Variants in FRMPD1 observed in about 807,000 individuals in gnomAD.
The protein encoded by FRMPD1 is FERM and PDZ domain containing 1.
A neutral mutation model predicts 117.8 loss-of-function variants in FRMPD1; 76 were observed. The ratio of observed to expected loss-of-function variants is 0.65; its 90% confidence interval spans 0.54 to 0.78. The LOEUF (loss-of-function observed/expected upper bound fraction) is 0.78. Ranked by LOEUF, FRMPD1 falls within the 30% of genes least tolerant of loss-of-function variation. The probability of loss-of-function intolerance (pLI) is 0.00; values close to 1 mark genes in which losing one functional copy is unlikely to be tolerated. For missense variants in FRMPD1, 1,786 were observed against 1,964.5 expected, an observed-to-expected ratio of 0.91 and a Z score of 1.72; for synonymous variants, 783 against 770.4, an observed-to-expected ratio of 1.02 and a Z score of -0.27.
chr9:37,682,564 A>G (rs185602433), intron 1 of FRMPD1, among the ~76,000 whole-genome samples: 18 of 152,360 alleles, frequency 1.2e-4, no homozygotes, highest in East Asian at 5.8e-4. Context: ...CAGGAAGGAA[A>G]CCAGGTCTCC....
At position 37,745,939 on chromosome 9, in the gene FRMPD1, C is replaced by T. The variant is rs2118546033; in HGVS notation, c.3907C>T (p.His1303Tyr). The T allele has an allele frequency of 6.2e-7, 1 of 1,614,234 alleles. No individual in the cohort carries two copies. Among genetic ancestry groups the T allele is most frequent in the East Asian group, 2.2e-5 (1 of 44,888 alleles). ...KSFLCFAPES[H>Y]PEVSASLRVA... ...TTTTCTGTGCTTTGCCCCAGAAAGC[C>T]ATCCTGAAGTCTCTGCCAGTCTCAG... The change falls in exon 16 of 16, where the codon CAT (histidine) becomes TAT (tyrosine). Residue 1303 changes from histidine (H) to tyrosine (Y), a missense_variant. Physicochemically the swap from His to Tyr is moderately conservative, Grantham distance 83. Coordinates refer to ENST00000377765, the MANE Select transcript of FRMPD1 (RefSeq NM_014907.3).
At chr9:37,703,747 T>C (rs1482907241) in intron 2 of FRMPD1, among the ~76,000 whole-genome samples, 1 of 152,214 alleles carries the variant, frequency 6.6e-6, no homozygotes, top group Non-Finnish European at 1.5e-5. Flanking sequence ...TCTGTCTCTA[T>C]AGATTAGTCT....
chr9:37,616,692 A>C, the FRMPD1 span, among the ~76,000 whole-genome samples: 3 of 152,218 alleles, frequency 2.0e-5, no homozygotes, highest in African/African-American at 7.2e-5. Context: ...TGAAACCATG[A>C]TTGAAAAATC....
At chr9:37,659,373 A>G (rs1820930258) in intron 1 of FRMPD1, among the ~76,000 whole-genome samples, 1 of 151,336 alleles carries the variant, frequency 6.6e-6, no homozygotes, top group Admixed American at 6.6e-5. Context: ...TGTTCCTATC[A>G]CTCCTGTTGT....
At chr9:37,650,876 C>T (rs1820648013), upstream of FRMPD1, 1 of 148,140 alleles carries the variant, frequency 6.8e-6, no homozygotes, top group South Asian at 2.1e-4. Context: ...GCAGCTGCAG[C>T]CTCAGCACCT....
rs1020249984 is a variant in FRMPD1, at chr9:37,746,150, G to A, written c.4118G>A (p.Gly1373Glu). The change falls in exon 16 of 16, where the codon GGA (glycine) becomes GAA (glutamate). Residue 1373 changes from glycine (G) to glutamate (E), a missense_variant. By Grantham distance (98) the Gly-to-Glu change is moderately conservative. Transcript: ENST00000377765. ...CCCCTCACCTCACCGCCCTCTGCGG[G>A]AAGCCCGGTGGTTCTGCCCTGGAGG... ...MAPLTSPPSA[G>E]SPVVLPWRPA... The A allele has an allele frequency of 6.2e-7, 1 of 1,613,786 alleles. No individual in the cohort carries two copies. The highest frequency in any genetic ancestry group is 1.3e-5 in the African/African-American group (1 of 74,936).
chr9:37,642,212 G>A, the FRMPD1 span, among the ~76,000 whole-genome samples: 1 of 152,166 alleles, frequency 6.6e-6, no homozygotes, highest in Non-Finnish European at 1.5e-5. Context: ...TCTTGAGCAG[G>A]TTACTTAACC....
chr9:37,678,470 A>G (rs1407049300), intron 1 of FRMPD1, among the ~76,000 whole-genome samples: 1 of 152,050 alleles, frequency 6.6e-6, no homozygotes, highest in Non-Finnish European at 1.5e-5. Flanking sequence ...CCTGTTGGCC[A>G]AGCTGGTCTC....
At chr9:37,709,710 C>A (rs2118167385) in intron 4 of FRMPD1, among the ~76,000 whole-genome samples, 1 of 152,140 alleles carries the variant, frequency 6.6e-6, no homozygotes, top group Admixed American at 6.5e-5. Flanking sequence ...AAATTTGGTC[C>A]AAAAGATGGA....
chr9:37,636,000 G>C, the FRMPD1 span, among the ~76,000 whole-genome samples: 4 of 152,182 alleles, frequency 2.6e-5, no homozygotes, highest in Admixed American at 6.5e-5. Flanking sequence ...GCAGCGCGTG[G>C]GTCTGTCTCT....
the FRMPD1 span, among the ~76,000 whole-genome samples, chr9:37,615,915 C>A: frequency 6.7e-6 from 1 of 150,024 alleles, no homozygotes; most frequent in Non-Finnish European, 1.5e-5. Context: ...TGGATTCAAG[C>A]AATTCTTATG....
At chr9:37,685,791 C>A (rs2117974285) in intron 1 of FRMPD1, among the ~76,000 whole-genome samples, 1 of 152,328 alleles carries the variant, frequency 6.6e-6, no homozygotes, top group South Asian at 2.1e-4. Context: ...GAAGTGCTCT[C>A]TAGTTTTATC....
chr9:37,650,480 C>T (rs1820633140), upstream of FRMPD1, among the ~76,000 whole-genome samples: 2 of 152,048 alleles, frequency 1.3e-5, no homozygotes, highest in Non-Finnish European at 2.9e-5. Flanking sequence ...CCACGCTCTC[C>T]CTCTCCCTTC....
At chr9:37,739,368 G>A (rs1824277141) in intron 14 of FRMPD1, among the ~76,000 whole-genome samples, 1 of 152,170 alleles carries the variant, frequency 6.6e-6, no homozygotes, top group African/African-American at 2.4e-5. Flanking sequence ...TTTAAGCAGG[G>A]TGTGATGAGG....
the FRMPD1 span, among the ~76,000 whole-genome samples, chr9:37,621,379 C>T: frequency 3.9e-5 from 6 of 152,112 alleles, no homozygotes; most frequent in African/African-American, 1.4e-4. Flanking sequence ...ACTCTTGCAC[C>T]GTCATCCTCA....
the FRMPD1 span, among the ~76,000 whole-genome samples, chr9:37,612,769 G>A: frequency 2.0e-5 from 3 of 152,216 alleles, no homozygotes; most frequent in African/African-American, 7.2e-5. Context: ...TGGGATTACA[G>A]GCATGAGCCA....
intron 15 of FRMPD1, among the ~76,000 whole-genome samples, chr9:37,741,670 G>A (rs1039705746): frequency 6.6e-6 from 1 of 152,150 alleles, no homozygotes. Context: ...CAGCTCCTCT[G>A]GGAGCCCCAT....
chr9:37,696,029 C>G (rs1822308268), intron 2 of FRMPD1, among the ~76,000 whole-genome samples: 1 of 148,110 alleles, frequency 6.8e-6, no homozygotes, highest in Non-Finnish European at 1.5e-5. Flanking sequence ...TCTTTCCTTG[C>G]TCACCGTTCT....
chr9:37,679,491 A>C (rs1477695214), intron 1 of FRMPD1, among the ~76,000 whole-genome samples: 1 of 152,172 alleles, frequency 6.6e-6, no homozygotes, highest in Non-Finnish European at 1.5e-5. Flanking sequence ...CATCTCCTCT[A>C]AAAGAAGTCT....
Sources: gnomAD v4.1 joint callset for allele counts (sites outside exome capture counted in the v4.1 genomes callset) on GRCh38, gnomAD v4.1.1 for gene constraint, MANE v1.5 for transcripts, NCBI Gene and HGNC (gene_info 2026-07-23, HGNC 2026-07-21) for gene names.